Variants in INTS10 observed in about 807,000 individuals in gnomAD.
INTS10 encodes integrator complex subunit 10.
A neutral mutation model predicts 94.4 loss-of-function variants in INTS10; 44 were observed. The observed-to-expected ratio is 0.47, with a 90% CI of 0.37 to 0.60. INTS10 has a LOEUF of 0.60. Ranked by LOEUF, INTS10 falls within the 20% of genes least tolerant of loss-of-function variation. The pLI is 0.00. For missense variants in INTS10, 797 were observed against 868.7 expected, an observed-to-expected ratio of 0.92 and a Z score of 1.04; for synonymous variants, 341 against 320.7, an observed-to-expected ratio of 1.06 and a Z score of -0.68.
chr8:19,838,396 A>G (rs2067844763), intron 13 of INTS10, among the ~76,000 whole-genome samples: 2 of 152,182 alleles, frequency 1.3e-5, no homozygotes, highest in Admixed American at 6.5e-5. Flanking sequence ...AAAGAAAGAA[A>G]GAAAATAAAT....
rs28583883 is a variant in INTS10 at position 19,843,304 on chromosome 8, T to G, written c.1719+377T>G. 0.043 allele frequency among the ~76,000 whole-genome samples: 6,529 copies of G among 151,960 alleles called. 495 individuals are homozygous for G. The highest frequency in any genetic ancestry group is 0.15 in the African/African-American group (6,234 of 41,424). On this transcript the variant is annotated intron_variant, in intron 14 of 16. Transcript: ENST00000397977. This position sits in a 1 kb window ranked among gnomAD's most constrained non-coding sequence, Gnocchi z 4.7. ...TTGTCATTGTAAAGATGTGCTAGATTAAGCATGTTAGGTGTTGAGATCAAC... is the reference window on the plus strand; with the variant it reads ...TTGTCATTGTAAAGATGTGCTAGATGAAGCATGTTAGGTGTTGAGATCAAC...
chr8:19,836,514 T>C (rs1437836305), intron 12 of INTS10, among the ~76,000 whole-genome samples: 1 of 152,206 alleles, frequency 6.6e-6, no homozygotes, highest in Non-Finnish European at 1.5e-5. Flanking sequence ...CCCATGTCTT[T>C]CTCTCCTGCC....
chr8:19,842,679 AT>A (rs1460626655), intron 13 of INTS10, among the ~76,000 whole-genome samples, 168 bp from the exon 14 acceptor site: 1 of 152,234 alleles, frequency 6.6e-6, no homozygotes, highest in African/African-American at 2.4e-5. Context: ...TCAAAAGCCA[AT>A]TTCACCATCA....
intron 4 of INTS10, 60 bp downstream of exon 4, chr8:19,820,578 A>G: frequency 6.8e-7 from 1 of 1,472,884 alleles, no homozygotes. Context: ...CAACAGATTC[A>G]TCGGTATGGT....
chr8:19,843,138 C>G lies in INTS10; in HGVS notation c.1719+211C>G, dbSNP rs1455076049. Among the ~76,000 whole-genome samples the G allele has an allele frequency of 6.6e-6, 1 of 152,164 alleles. No homozygotes were observed. Among genetic ancestry groups the G allele is most frequent in the Non-Finnish European group, 1.5e-5 (1 of 68,034 alleles). ...AGAGAAGTAGGAAGTTCTCCCCGTC[C>G]TCAAAAAGTGTAATAGTGGGACAGA... is the stretch of plus-strand genomic sequence containing the variant. On this transcript the variant is annotated intron_variant, in intron 14 of 16. Coordinates refer to ENST00000397977, the MANE Select transcript of INTS10 (RefSeq NM_018142.4). The surrounding 1 kb of genome is among the most constrained non-coding windows in gnomAD (Gnocchi z 4.7).
chr8:19,826,061 C>A (rs943909059), intron 8 of INTS10, among the ~76,000 whole-genome samples: 2 of 151,848 alleles, frequency 1.3e-5, no homozygotes, highest in African/African-American at 4.8e-5. Context: ...GAATTCTTTT[C>A]CTAGCTGCAT....
rs1030883594 is a variant in INTS10 at position 19,851,441 on chromosome 8, G to C, written c.1977-208G>C. On this transcript the variant is annotated intron_variant, in intron 16 of 16. Transcript: ENST00000397977. This position sits in a 1 kb window ranked among gnomAD's most constrained non-coding sequence, Gnocchi z 5.0. ...AATGTTTGAAGTAACCTTTTATAGA[G>C]TGAGAAAGATGTCTGTCTAGTTTTA... is the stretch of plus-strand genomic sequence containing the variant. Among the ~76,000 whole-genome samples the C allele has an allele frequency of 6.6e-6, 1 of 152,224 alleles. No individual in the cohort carries two copies. The highest frequency in any genetic ancestry group is 1.9e-4 in the East Asian group (1 of 5,198).
chr8:19,851,245 G>A lies in INTS10; in HGVS notation c.1977-404G>A, dbSNP rs1357867768. On this transcript the variant is annotated intron_variant, in intron 16 of 16. Transcript: ENST00000397977. The surrounding 1 kb of genome is among the most constrained non-coding windows in gnomAD (Gnocchi z 5.0). ...TCAGGTCTCCTCCCTCCTTGCTGCTGCCTCTGGAGGGTCTGCTGGCCGGGC... is the reference window on the plus strand; with the variant it reads ...TCAGGTCTCCTCCCTCCTTGCTGCTACCTCTGGAGGGTCTGCTGGCCGGGC... 6.6e-6 allele frequency among the ~76,000 whole-genome samples: 1 copy of A among 152,190 alleles called. No homozygotes were observed. Among genetic ancestry groups the A allele is most frequent in the Non-Finnish European group, 1.5e-5 (1 of 68,046 alleles).
At chr8:19,842,795 C>T in intron 13 of INTS10, 53 bp from the exon 14 acceptor site, 1 of 1,183,922 alleles carries the variant, frequency 8.4e-7, no homozygotes. Flanking sequence ...CCTTTCAAAG[C>T]TGTTATCTTT....
chr8:19,833,359 C>G (rs375209359), intron 12 of INTS10, 38 bp downstream of exon 12: 2 of 1,448,762 alleles, frequency 1.4e-6, no homozygotes, highest in Non-Finnish European at 1.8e-6. Flanking sequence ...CGCAGGTGCA[C>G]GGGGCCACCT....
At chr8:19,836,944 C>G in intron 12 of INTS10, 108 bp from the exon 13 acceptor site, 1 of 705,004 alleles carries the variant, frequency 1.4e-6, no homozygotes, top group South Asian at 1.6e-5. Context: ...GAAATACAGA[C>G]TTCCATGTAC....
Position 19,823,925 on chromosome 8 carries a change from G to T in INTS10, c.717G>T (p.Lys239Asn), listed in dbSNP as rs190252104. ...CACCTAGCAAACGTAGCTCTCAGAAGTACATAATAGAAGGGCTGACGGAAA... is the reference window on the plus strand; with the variant it reads ...CACCTAGCAAACGTAGCTCTCAGAATTACATAATAGAAGGGCTGACGGAAA... ...LMSPSKRSSQ[K>N]YIIEGLTEKS... is the part of the protein sequence containing the mutation. Residue 239 changes from lysine (K) to asparagine (N), a missense_variant, in exon 7 of 17, where the codon AAG becomes AAT. Lys to Asn is a moderately conservative substitution (Grantham distance 94). Transcript: ENST00000397977. 5,676 of 1,613,648 alleles carry T rather than the reference G, an allele frequency of 3.5e-3. 28 individuals carry two copies. Among genetic ancestry groups the T allele is most frequent in the Non-Finnish European group, 3.4e-3 (3,959 of 1,179,852 alleles).
intron 4 of INTS10, chr8:19,821,980 A>G (rs1467850652): frequency 6.5e-6 from 1 of 153,160 alleles, no homozygotes; most frequent in African/African-American, 2.4e-5. Context: ...TTTTCTGTCC[A>G]TTCTACACCA....
chr8:19,851,917 A>G lies in INTS10; in HGVS notation c.*112A>G, dbSNP rs1167722383. 3.3e-6 allele frequency: 3 copies of G among 910,444 alleles called. No individual in the cohort carries two copies. The highest frequency in any genetic ancestry group is 5.0e-6 in the Non-Finnish European group (3 of 602,904). The allele number at this position is 910,444 out of a possible 1,614,324, so 56.4% of individuals were successfully genotyped here. A position where few individuals can be genotyped will look rare whatever the true frequency, so the allele number is the denominator to read the frequency against. On this transcript the variant is annotated 3_prime_UTR_variant, in exon 17 of 17. Coordinates refer to ENST00000397977, the MANE Select transcript of INTS10 (RefSeq NM_018142.4). This position sits in a 1 kb window ranked among gnomAD's most constrained non-coding sequence, Gnocchi z 5.0. Reference sequence around the variant, plus strand: ...GGTCATTGTTGCTGTTACAAAGAAGAAAACCATCTGAGTTCTAACTCCTTG... The same window carrying G: ...GGTCATTGTTGCTGTTACAAAGAAGGAAACCATCTGAGTTCTAACTCCTTG...
chr8:19,844,073 C>T lies in INTS10; in HGVS notation c.1720-3C>T. 1 of 1,580,360 alleles carries T rather than the reference C, an allele frequency of 6.3e-7. No homozygotes were observed. The highest frequency in any genetic ancestry group is 1.2e-5 in the South Asian group (1 of 86,476). On this transcript the variant is annotated splice_polypyrimidine_tract_variant and splice_region_variant and intron_variant, in intron 14 of 16. Coordinates refer to ENST00000397977, the MANE Select transcript of INTS10 (RefSeq NM_018142.4). ...CTGTCTTGTATAAATCTTTGTCTTGCAGCTTAGAGCTTTCACAGACAACAG... is the reference window on the plus strand; with the variant it reads ...CTGTCTTGTATAAATCTTTGTCTTGTAGCTTAGAGCTTTCACAGACAACAG...
In INTS10 at chr8:19,833,173, A is replaced by G; in HGVS notation, c.1382A>G (p.Gln461Arg). The G allele has an allele frequency of 6.3e-7, 1 of 1,583,570 alleles. No individual in the cohort carries two copies. The highest frequency in any genetic ancestry group is 8.6e-7 in the Non-Finnish European group (1 of 1,168,234). ...FLTDMIIYQG[Q>R]YKKAIASLHH... ...TTGCTATTCTATCTTTCTTAGGGTC[A>G]ATATAAAAAGGCGATAGCCAGCCTG... Residue 461 changes from glutamine to arginine, a missense_variant, in exon 12 of 17, where the codon CAA becomes CGA. By Grantham distance (43) the Gln-to-Arg change is conservative. Transcript: ENST00000397977.
At chr8:19,822,814 G>T (rs968020953) in intron 5 of INTS10, among the ~76,000 whole-genome samples, 2 of 152,084 alleles carry the variant, frequency 1.3e-5, no homozygotes, top group East Asian at 3.9e-4. Flanking sequence ...GCTGGGCATG[G>T]TGGCGCACGC....
At chr8:19,824,232 C>G in intron 7 of INTS10, 188 bp downstream of exon 7, 1 of 473,006 alleles carries the variant, frequency 2.1e-6, no homozygotes, top group Non-Finnish European at 3.7e-6. Context: ...TGGCTCACAT[C>G]TGTAATCCCA....
At position 19,823,890 on chromosome 8, in the gene INTS10, G is replaced by C. The variant is rs1471986701; in HGVS notation, c.682G>C (p.Asp228His). The C allele has an allele frequency of 1.2e-6, 2 of 1,607,588 alleles. No homozygotes were observed. Among genetic ancestry groups the C allele is most frequent in the African/African-American group, 2.7e-5 (2 of 74,566 alleles). ...NQHQGAQDTS[D>H]LMSPSKRSSQ... is the part of the protein sequence containing the mutation. ...CATCTCAGGCGCCCAGGATACATCT[G>C]ATTTAATGTCACCTAGCAAACGTAG... The change falls in exon 7 of 17, where the codon GAT becomes CAT. Residue 228 changes from aspartate (D) to histidine (H), a missense_variant. This residue lies in a region of INTS10 where 734 missense variants were observed against 787.8 expected (regional missense o/e 0.93). Coordinates refer to ENST00000397977, the MANE Select transcript of INTS10 (RefSeq NM_018142.4).
Sources: gnomAD v4.1 joint callset for allele counts (sites outside exome capture counted in the v4.1 genomes callset) on GRCh38, gnomAD v4.1.1 for gene constraint, gnomAD v4.1.1 regional missense constraint, Gnocchi (gnomAD v3.1) non-coding constraint, MANE v1.5 for transcripts, NCBI Gene and HGNC (gene_info 2026-07-23, HGNC 2026-07-21) for gene names.